Variants in ZWILCH observed in about 807,000 individuals in gnomAD.
ZWILCH encodes protein zwilch homolog.
Under a neutral mutation model 79.9 loss-of-function variants are expected in ZWILCH, and 74 were observed. The ratio of observed to expected loss-of-function variants is 0.93; its 90% CI spans 0.77 to 1.12. The LOEUF (loss-of-function observed/expected upper bound fraction) is 1.12, where lower values mean the gene tolerates loss of function less well. ZWILCH is among the 50% of genes most tolerant of loss of function. The pLI is 0.00. For synonymous variants in ZWILCH, 241 were observed against 228.2 expected (o/e 1.06, Z -0.51); for missense variants, 694 against 687.5 (o/e 1.01, Z -0.11).
At chr15:66,525,285 T>C (rs997815403) in intron 8 of ZWILCH, among the ~76,000 whole-genome samples, 2 of 152,198 alleles carry the variant, frequency 1.3e-5, no homozygotes, top group African/African-American at 4.8e-5. Context: ...TGCCTGAAGG[T>C]GACAACAAAC....
rs1216170129 is a variant in ZWILCH, at chr15:66,544,266, A to C, written c.1688-2325A>C. Among the ~76,000 whole-genome samples, 3 of 152,042 alleles carry C rather than the reference A, an allele frequency of 2.0e-5. No individual in the cohort carries two copies. The East Asian group carries it at 5.8e-4, about 29-fold the overall frequency. On this transcript the variant is annotated intron_variant, in intron 17 of 18. Coordinates refer to ENST00000307897, the MANE Select transcript of ZWILCH (RefSeq NM_017975.5). Reference sequence around the variant, plus strand: ...GAGCGAAACTCCATCTCAAAAAAAAAAAGAAAAAAGAAAACATATATTTTG... The same window carrying C: ...GAGCGAAACTCCATCTCAAAAAAAACAAGAAAAAAGAAAACATATATTTTG...
intron 17 of ZWILCH, among the ~76,000 whole-genome samples, chr15:66,544,756 G>GTGTGTGTGTGTC (rs1895314791): frequency 6.7e-6 from 1 of 149,612 alleles, no homozygotes; most frequent in African/African-American, 2.5e-5. Flanking sequence ...GTGTGTGTGT[G>GTGTGTGTGTGTC]TGTTTGAGAT....
chr15:66,539,453 A>G (rs1163801908), intron 16 of ZWILCH, among the ~76,000 whole-genome samples: 3 of 150,494 alleles, frequency 2.0e-5, no homozygotes, highest in South Asian at 2.1e-4. Flanking sequence ...GACCTTGGTA[A>G]CTCTAGAATT....
intron 8 of ZWILCH, among the ~76,000 whole-genome samples, 180 bp downstream of exon 8, chr15:66,523,928 C>T (rs1366491921): frequency 6.6e-6 from 1 of 152,174 alleles, no homozygotes; most frequent in Non-Finnish European, 1.5e-5. Flanking sequence ...TTACAATTAA[C>T]GGGAGCATTA....
intron 2 of ZWILCH, among the ~76,000 whole-genome samples, chr15:66,512,004 A>G (rs1894085117): frequency 6.6e-6 from 1 of 152,200 alleles, no homozygotes; most frequent in Non-Finnish European, 1.5e-5. Context: ...TATCAGTGTG[A>G]TTTTAGGTAT....
chr15:66,508,710 G>A, intron 1 of ZWILCH, 131 bp from the exon 2 acceptor site: 2 of 1,439,500 alleles, frequency 1.4e-6, no homozygotes, highest in Non-Finnish European at 1.8e-6. Flanking sequence ...ACATCTTAGG[G>A]CTGCTGTAAG....
chr15:66,535,862 A>T lies in ZWILCH; in HGVS notation c.1342-71A>T. 3 of 1,364,916 alleles carry T rather than the reference A, an allele frequency of 2.2e-6. No individual in the cohort carries two copies. In the Admixed American group the frequency reaches 7.7e-5, roughly 35 times the overall value. 84.6% of individuals were successfully genotyped at this position (1,364,916 alleles called of 1,614,324 possible). Reference sequence around the variant, plus strand: ...GCATCCAAATGTAGGTGTAGAAGGCATACCTATATTCTTTACAAAGGTTAC... The same window carrying T: ...GCATCCAAATGTAGGTGTAGAAGGCTTACCTATATTCTTTACAAAGGTTAC... On this transcript the variant is annotated intron_variant, in intron 14 of 18. Transcript: ENST00000307897.
At position 66,517,555 on chromosome 15, in the gene ZWILCH, A is replaced by G. The variant is rs557214106; in HGVS notation, c.321-1324A>G. On this transcript the variant is annotated intron_variant, in intron 4 of 18. Transcript: ENST00000307897. ...CTAAATGCTCCACTGTGTATTCTCT[A>G]TGAACATATACATTCTCTTACATAA... Among the ~76,000 whole-genome samples the G allele has an allele frequency of 1.5e-3, 217 of 147,722 alleles. 1 individual carries two copies. The highest frequency in any genetic ancestry group is 5.1e-3 in the African/African-American group (207 of 40,250).
In ZWILCH at chr15:66,512,993, C is replaced by G. The variant is rs138241080; in HGVS notation, c.106-995C>G. Among the ~76,000 whole-genome samples, 851 of 152,194 alleles carry G rather than the reference C, an allele frequency of 5.6e-3. 10 individuals are homozygous for G. The highest frequency in any genetic ancestry group is 0.019 in the African/African-American group (810 of 41,550). Reference sequence around the variant, plus strand: ...TAGTCTTAGTAGAGATGTGGTTTCACCAGTTTGAGCAGACTGGTCTTGAAC... The same window carrying G: ...TAGTCTTAGTAGAGATGTGGTTTCAGCAGTTTGAGCAGACTGGTCTTGAAC... On this transcript the variant is annotated intron_variant, in intron 2 of 18. Transcript: ENST00000307897.
intron 4 of ZWILCH, among the ~76,000 whole-genome samples, chr15:66,517,541 A>G (rs1248533826): frequency 6.8e-6 from 1 of 146,324 alleles, no homozygotes; most frequent in Non-Finnish European, 1.5e-5. Context: ...TAAATGCTCC[A>G]CTGTGTATTC....
chr15:66,537,363 G>A lies in ZWILCH; in HGVS notation c.1574+100G>A, dbSNP rs573983364. On this transcript the variant is annotated intron_variant, in intron 16 of 18. Coordinates refer to ENST00000307897, the MANE Select transcript of ZWILCH (RefSeq NM_017975.5). ...ACTTGAGCTCAGGAGTTCGAGACCA[G>A]CCTGGGCAACATAATGAGACCCTGT... 1.7e-4 allele frequency: 138 copies of A among 792,706 alleles called. 2 individuals are homozygous for A. The highest frequency in any genetic ancestry group is 3.9e-4 in the Admixed American group (18 of 46,280). The allele number at this position is 792,706 out of a possible 1,614,324, so 49.1% of individuals were successfully genotyped here.
chr15:66,518,307 G>A (rs1164986431), intron 4 of ZWILCH, among the ~76,000 whole-genome samples: 1 of 31,896 alleles, frequency 3.1e-5, no homozygotes, highest in Non-Finnish European at 7.0e-5. Context: ...TTTTTTTTTT[G>A]AGACAGAGTC....
At chr15:66,532,963 T>G (rs759194862) in intron 13 of ZWILCH, 22 bp from the exon 14 acceptor site, 44 of 1,537,626 alleles carry the variant, frequency 2.9e-5, no homozygotes, top group Non-Finnish European at 2.3e-5. Context: ...TGTTTTTGCA[T>G]GTATGTGTTT....
chr15:66,539,619 A>G (rs937457081), intron 16 of ZWILCH, among the ~76,000 whole-genome samples: 1 of 152,110 alleles, frequency 6.6e-6, no homozygotes, highest in Non-Finnish European at 1.5e-5. Context: ...CTAAAAATTC[A>G]AATCCCACCA....
chr15:66,545,328 T>C (rs1217277402), intron 17 of ZWILCH, among the ~76,000 whole-genome samples: 1 of 152,216 alleles, frequency 6.6e-6, no homozygotes, highest in East Asian at 1.9e-4. Flanking sequence ...CACTCCAGCC[T>C]GGGCAGCAAT....
intron 17 of ZWILCH, among the ~76,000 whole-genome samples, chr15:66,541,304 A>G (rs1458555462): frequency 1.3e-5 from 2 of 152,068 alleles, no homozygotes; most frequent in Non-Finnish European, 2.9e-5. Context: ...CCACACACAC[A>G]CACGCACACG....
Position 66,518,924 on chromosome 15 carries a change from C to G in ZWILCH, c.366C>G (p.Thr122=). The G allele has an allele frequency of 1.9e-6, 3 of 1,614,128 alleles. No homozygotes were observed. The highest frequency in any genetic ancestry group is 2.5e-6 in the Non-Finnish European group (3 of 1,180,022). ...LYTMAHNPNM[T]HLKINLPVTA... ...CCATGGCTCACAATCCTAATATGAC[C>G]CATTTGAAGATTAATCTGCCAGTTA... The change falls in exon 5 of 19, where the codon ACC becomes ACG. Residue 122 remains threonine (T), a synonymous_variant. Coordinates refer to ENST00000307897, the MANE Select transcript of ZWILCH (RefSeq NM_017975.5).
intron 8 of ZWILCH, chr15:66,524,354 T>C (rs1032822301): frequency 6.6e-6 from 1 of 152,238 alleles, no homozygotes; most frequent in Admixed American, 6.5e-5. Flanking sequence ...TGGTATCTCT[T>C]TGTAGTTTTG....
At chr15:66,526,147 T>G (rs566634566) in intron 8 of ZWILCH, among the ~76,000 whole-genome samples, 1 of 152,276 alleles carries the variant, frequency 6.6e-6, no homozygotes, top group South Asian at 2.1e-4. Flanking sequence ...TTCTCTTTCC[T>G]AGGAATCCAT....
Sources: allele counts gnomAD v4.1 joint callset (sites outside exome capture counted in the v4.1 genomes callset), GRCh38; gene constraint gnomAD v4.1.1; transcripts MANE v1.5; gene names NCBI Gene and HGNC (gene_info 2026-07-23, HGNC 2026-07-21).